The following MCM9 variants were observed in gnomAD, a reference collection of about 807,000 sequenced individuals.
MCM9 encodes the protein minichromosome maintenance 9 homologous recombination repair factor, also known as DNA helicase MCM9.
A neutral mutation model predicts 72.8 loss-of-function variants in MCM9; 55 were observed. The observed-to-expected ratio is 0.76, with a 90% CI of 0.61 to 0.95. The LOEUF (loss-of-function observed/expected upper bound fraction) is 0.95. Among genes scored for constraint, MCM9 ranks in the 40% least tolerant of loss-of-function variants. MCM9 has a pLI of 0.00. For synonymous variants in MCM9, 480 were observed against 503.4 expected (o/e 0.95, Z 0.62); for missense variants, 1,279 against 1,377.0 (o/e 0.93, Z 1.13).
intron 8 of MCM9, among the ~76,000 whole-genome samples, chr6:118,856,833 T>C (rs1490294955): frequency 2.0e-5 from 3 of 152,002 alleles, no homozygotes; most frequent in Non-Finnish European, 2.9e-5. Flanking sequence ...GTGAGCCATA[T>C]TAGAGCCACT....
chr6:118,841,633 T>A (rs1775372106), intron 9 of MCM9, among the ~76,000 whole-genome samples: 3 of 152,204 alleles, frequency 2.0e-5, no homozygotes, highest in Admixed American at 6.5e-5. Flanking sequence ...TCAAGTTAGA[T>A]CTGTGCCCTG....
At chr6:118,926,022 ACCAC>A (rs1247898322) in intron 3 of MCM9, among the ~76,000 whole-genome samples, 1 of 152,232 alleles carries the variant, frequency 6.6e-6, no homozygotes, top group African/African-American at 2.4e-5. Context: ...TATAACCATC[ACCAC>A]TAATTCCAGA....
intron 8 of MCM9, among the ~76,000 whole-genome samples, chr6:118,867,767 C>G (rs977229681): frequency 6.6e-6 from 1 of 151,998 alleles, no homozygotes; most frequent in African/African-American, 2.4e-5. Flanking sequence ...TAATGCATTT[C>G]TCAGAATGTA....
intron 8 of MCM9, among the ~76,000 whole-genome samples, chr6:118,863,843 T>G (rs778528249): frequency 6.6e-6 from 1 of 152,146 alleles, no homozygotes; most frequent in Non-Finnish European, 1.5e-5. Context: ...CATCCAGCAC[T>G]CTAAGAAATA....
intron 8 of MCM9, among the ~76,000 whole-genome samples, chr6:118,868,246 C>A (rs898903275): frequency 6.6e-6 from 1 of 151,836 alleles, no homozygotes; most frequent in Non-Finnish European, 1.5e-5. Flanking sequence ...TTAAGGAATG[C>A]AAATTATAAA....
chr6:118,840,671 T>G (rs1411868811), intron 9 of MCM9, among the ~76,000 whole-genome samples: 1 of 151,980 alleles, frequency 6.6e-6, no homozygotes, highest in Non-Finnish European at 1.5e-5. Context: ...ACTAATGGTA[T>G]TCTCACAATC....
intron 8 of MCM9, among the ~76,000 whole-genome samples, chr6:118,870,565 C>A (rs1777535201): frequency 1.3e-5 from 2 of 151,840 alleles, no homozygotes; most frequent in South Asian, 4.2e-4. Context: ...TCTAACATCA[C>A]AACTTAAGGG....
intron 8 of MCM9, among the ~76,000 whole-genome samples, chr6:118,864,839 T>G (rs1158904537): frequency 1.3e-5 from 2 of 152,206 alleles, no homozygotes; most frequent in Non-Finnish European, 2.9e-5. Context: ...TTCTGGGGCT[T>G]CATCCCCCAA....
chr6:118,860,509 C>T (rs148465475), intron 8 of MCM9, among the ~76,000 whole-genome samples: 3,027 of 151,916 alleles, frequency 0.02, 111 homozygotes, highest in African/African-American at 0.07. Flanking sequence ...AAAAGAATAA[C>T]AATAAAGAGA....
chr6:118,845,693 A>T (rs1470821742), intron 9 of MCM9, among the ~76,000 whole-genome samples: 1 of 151,882 alleles, frequency 6.6e-6, no homozygotes, highest in Non-Finnish European at 1.5e-5. Flanking sequence ...ACCATCCTAC[A>T]GCTGAATTTG....
Position 118,931,758 on chromosome 6 carries a change from T to C in MCM9, c.-15-20A>G. ...AGGTAACTAAAGAAAAAAAAAAGGA[T>C]CATATTATATATTTGATACTCAAGA... On this transcript the variant is annotated intron_variant, in intron 2 of 13. Transcript: ENST00000619706. The C allele has an allele frequency of 6.6e-7, 1 of 1,512,198 alleles. No individual in the cohort carries two copies. Among genetic ancestry groups the C allele is most frequent in the Non-Finnish European group, 8.9e-7 (1 of 1,124,404 alleles). The allele number at this position is 1,512,198 out of a possible 1,614,324, so 93.7% of individuals were successfully genotyped here.
At chr6:118,828,241 T>C in intron 10 of MCM9, 111 bp from the exon 11 acceptor site, 1 of 862,332 alleles carries the variant, frequency 1.2e-6, no homozygotes. Flanking sequence ...CCTTCATGTT[T>C]TGTGGTTATT....
chr6:118,930,277 AT>A (rs539799635), intron 3 of MCM9, among the ~76,000 whole-genome samples: 4 of 151,326 alleles, frequency 2.6e-5, no homozygotes, highest in East Asian at 1.9e-4. Flanking sequence ...TGCCCGGCTA[AT>A]TTTTTTTGTA....
chr6:118,869,650 T>C (rs564258946), intron 8 of MCM9, among the ~76,000 whole-genome samples: 1 of 137,598 alleles, frequency 7.3e-6, no homozygotes, highest in African/African-American at 2.7e-5. Context: ...CACTAGGAAG[T>C]CCTTACTTGT....
At chr6:118,875,669 A>G (rs1445735350) in intron 8 of MCM9, among the ~76,000 whole-genome samples, 1 of 151,406 alleles carries the variant, frequency 6.6e-6, no homozygotes, top group East Asian at 1.9e-4. Context: ...AATAATAATA[A>G]TAATAATAAT....
At chr6:118,844,868 A>G (rs566253071) in intron 9 of MCM9, among the ~76,000 whole-genome samples, 4 of 151,980 alleles carry the variant, frequency 2.6e-5, no homozygotes, top group East Asian at 3.9e-4. Context: ...GTTCTTTAGT[A>G]TATTTCTTAA....
At chr6:118,843,655 T>TACACGTGTATATAC (rs1491542240) in intron 9 of MCM9, among the ~76,000 whole-genome samples, 2 of 38,606 alleles carry the variant, frequency 5.2e-5, no homozygotes, top group African/African-American at 2.0e-4. Flanking sequence ...TATATATATA[T>TACACGTGTATATAC]GTGTATATAT....
chr6:118,879,284 G>A (rs1413844729), intron 8 of MCM9, among the ~76,000 whole-genome samples: 1 of 149,564 alleles, frequency 6.7e-6, no homozygotes, highest in African/African-American at 2.4e-5. Context: ...ACTATGTGCT[G>A]TCTACAAGAG....
At chr6:118,926,667 TATTC>T (rs1781920814) in intron 3 of MCM9, among the ~76,000 whole-genome samples, 1 of 152,228 alleles carries the variant, frequency 6.6e-6, no homozygotes, top group Non-Finnish European at 1.5e-5. Context: ...GTATTTTGTT[TATTC>T]ATTTATTAGT....
Sources: allele counts gnomAD v4.1 joint callset (sites outside exome capture counted in the v4.1 genomes callset), GRCh38; gene constraint gnomAD v4.1.1; transcripts MANE v1.5; gene names NCBI Gene and HGNC (gene_info 2026-07-23, HGNC 2026-07-21).